The following SYT16 variants were observed in gnomAD, a reference collection of about 807,000 sequenced individuals.
SYT16 encodes synaptotagmin 16, also known as synaptotagmin-16.
SYT16 carries 42 observed loss-of-function variants against 61.4 expected under a neutral mutation model. That is an observed-to-expected ratio of 0.68 (90% CI 0.53 to 0.89). The LOEUF is 0.89. Among genes scored for constraint, SYT16 ranks in the 40% least tolerant of loss-of-function variants. SYT16 has a pLI of 0.00. For missense variants in SYT16, 804 were observed against 807.3 expected (o/e 1.00, Z 0.05); for synonymous variants, 314 against 302.3 (o/e 1.04, Z -0.40).
At chr14:62,076,443 TAAA>T (rs11336905) in intron 5 of SYT16, among the ~76,000 whole-genome samples, 4 of 144,032 alleles carry the variant, frequency 2.8e-5, no homozygotes, top group Admixed American at 7.0e-5. Context: ...ATGCTCAAGG[TAAA>T]AAAAAAAAAA....
At chr14:62,014,771 AT>A (rs2053601260) in intron 3 of SYT16, among the ~76,000 whole-genome samples, 1 of 151,910 alleles carries the variant, frequency 6.6e-6, no homozygotes, top group South Asian at 2.1e-4. Context: ...TCTTTTATTC[AT>A]TCTTGAGTTT....
chr14:62,036,024 A>AGCTGTCAG (rs1284353724), intron 3 of SYT16, among the ~76,000 whole-genome samples: 1 of 152,108 alleles, frequency 6.6e-6, no homozygotes, highest in Non-Finnish European at 1.5e-5. Flanking sequence ...ACTTTTAAGG[A>AGCTGTCAG]GCTGTCAGTC....
upstream of SYT16, chr14:61,812,390 G>A (rs978559258): frequency 6.6e-6 from 1 of 152,538 alleles, no homozygotes; most frequent in Middle Eastern, 3.4e-3. Context: ...AGGATATAGC[G>A]GGAACGTTGT....
intron 3 of SYT16, among the ~76,000 whole-genome samples, chr14:62,052,387 A>C (rs2055347907): frequency 6.6e-6 from 1 of 152,158 alleles, no homozygotes; most frequent in Admixed American, 6.5e-5. Context: ...AATTTTTAAG[A>C]GACTTTTATT....
chr14:61,871,364 A>G (rs527274122), intron 1 of SYT16, among the ~76,000 whole-genome samples: 4 of 152,156 alleles, frequency 2.6e-5, no homozygotes, highest in Non-Finnish European at 5.9e-5. Context: ...CAAAGACTCA[A>G]AGGAAATCCT....
intron 1 of SYT16, among the ~76,000 whole-genome samples, chr14:61,860,950 G>A (rs1387724655): frequency 5.9e-5 from 9 of 152,142 alleles, no homozygotes; most frequent in African/African-American, 2.2e-4. Context: ...TTTTAAGCTG[G>A]GGGAAGAAGA....
chr14:62,069,539 A>G, intron 3 of SYT16, 64 bp from the exon 4 acceptor site: 1 of 1,443,690 alleles, frequency 6.9e-7, no homozygotes, highest in Non-Finnish European at 9.6e-7. Context: ...TTTCCTGGAG[A>G]GTCTATCTCT....
chr14:61,998,498 T>C (rs1358069256), intron 3 of SYT16, among the ~76,000 whole-genome samples: 1 of 152,004 alleles, frequency 6.6e-6, no homozygotes, highest in African/African-American at 2.4e-5. Flanking sequence ...GCGTTTGAGA[T>C]TCATCCATGG....
intron 2 of SYT16, among the ~76,000 whole-genome samples, chr14:61,972,982 A>G (rs1462788711): frequency 1.3e-5 from 2 of 152,202 alleles, no homozygotes; most frequent in Non-Finnish European, 2.9e-5. Flanking sequence ...GAAGAGAACT[A>G]ATAAAAATGC....
intron 1 of SYT16, among the ~76,000 whole-genome samples, chr14:61,871,400 C>T (rs887921031): frequency 2.6e-5 from 4 of 152,132 alleles, no homozygotes; most frequent in Admixed American, 2.0e-4. Flanking sequence ...TTCTGCAGTG[C>T]TTTACCCCAC....
chr14:61,987,030 C>T (rs1446048050), intron 2 of SYT16, among the ~76,000 whole-genome samples: 2 of 152,074 alleles, frequency 1.3e-5, no homozygotes, highest in African/African-American at 4.8e-5. Flanking sequence ...CATCAATAAG[C>T]TACAATTATA....
chr14:61,817,250 C>G (rs1423113827), intron 1 of SYT16, among the ~76,000 whole-genome samples: 1 of 151,524 alleles, frequency 6.6e-6, no homozygotes, highest in Non-Finnish European at 1.5e-5. Flanking sequence ...AATCCTGTCT[C>G]TACTAAAAAT....
intron 3 of SYT16, among the ~76,000 whole-genome samples, chr14:62,010,553 T>A (rs2053405313): frequency 6.6e-6 from 1 of 152,158 alleles, no homozygotes; most frequent in South Asian, 2.1e-4. Flanking sequence ...TAGCATCTGG[T>A]CATCGGTAAT....
At chr14:61,901,276 G>T (rs1226616356) in intron 1 of SYT16, among the ~76,000 whole-genome samples, 1 of 152,186 alleles carries the variant, frequency 6.6e-6, no homozygotes, top group African/African-American at 2.4e-5. Context: ...AATCCCCTGT[G>T]TACCTATGGC....
Position 62,040,644 on chromosome 14 carries a change from A to C in SYT16, c.524-28959A>C, listed in dbSNP as rs1377744429. ...CTGCATTTAAGAAATATTGTTTCAC[A>C]GTGAGATTTTAAAATGAGAATTCTG... On this transcript the variant is annotated intron_variant, in intron 3 of 7. Transcript: ENST00000683842. 2.0e-5 allele frequency among the ~76,000 whole-genome samples: 3 copies of C among 152,176 alleles called. No homozygotes were observed. In the East Asian group the frequency reaches 5.8e-4, roughly 29 times the overall value.
chr14:61,861,146 A>G (rs1311422913), intron 1 of SYT16, among the ~76,000 whole-genome samples: 1 of 152,152 alleles, frequency 6.6e-6, no homozygotes, highest in African/African-American at 2.4e-5. Flanking sequence ...CTGCTCACCA[A>G]CTGGGAGGGA....
chr14:62,075,060 C>CAA, intron 4 of SYT16, 75 bp from the exon 5 acceptor site: 2 of 1,468,342 alleles, frequency 1.4e-6, no homozygotes, highest in Non-Finnish European at 1.8e-6. Flanking sequence ...GTTGTGACTG[C>CAA]AATTACTCAA....
chr14:62,040,202 G>GT (rs1228203999), intron 3 of SYT16, among the ~76,000 whole-genome samples: 1 of 152,068 alleles, frequency 6.6e-6, no homozygotes, highest in Non-Finnish European at 1.5e-5. Context: ...CTAGACTTGA[G>GT]TTTTTTCCCC....
At chr14:62,072,169 G>A (rs1318085836) in intron 4 of SYT16, among the ~76,000 whole-genome samples, 2 of 152,034 alleles carry the variant, frequency 1.3e-5, no homozygotes, top group Non-Finnish European at 2.9e-5. Context: ...TTATTTTTGT[G>A]TATGGAATAG....
Sources: allele counts gnomAD v4.1 joint callset (sites outside exome capture counted in the v4.1 genomes callset), GRCh38; gene constraint gnomAD v4.1.1; transcripts MANE v1.5; gene names NCBI Gene and HGNC (gene_info 2026-07-23, HGNC 2026-07-21).